Variants in KAZN observed in about 807,000 individuals in gnomAD.
KAZN encodes the protein kazrin, periplakin interacting protein.
Under a neutral mutation model 87.4 loss-of-function variants are expected in KAZN, and 40 were observed. That is an observed-to-expected ratio of 0.46 (90% CI 0.36 to 0.60). KAZN has a LOEUF of 0.60. KAZN is among the 20% of genes least tolerant of loss of function. The probability of loss-of-function intolerance (pLI) is 0.00; values close to 1 mark genes in which losing one functional copy is unlikely to be tolerated. For missense variants in KAZN, 898 were observed against 1,073.9 expected, an observed-to-expected ratio of 0.84 and a Z score of 2.29; for synonymous variants, 466 against 458.3, an observed-to-expected ratio of 1.02 and a Z score of -0.22.
intron 2 of KAZN, among the ~76,000 whole-genome samples, chr1:14,345,253 C>G (rs1166093214): frequency 6.6e-6 from 1 of 152,158 alleles, no homozygotes; most frequent in Non-Finnish European, 1.5e-5. Flanking sequence ...TCTGCAGAGG[C>G]GTAAACCAGT....
intron 1 of KAZN, among the ~76,000 whole-genome samples, chr1:14,904,207 T>C (rs912251011): frequency 6.7e-6 from 1 of 150,308 alleles, no homozygotes; most frequent in Non-Finnish European, 1.5e-5. Context: ...ATTCATGCAA[T>C]GGGTTTAAGA....
chr1:14,722,633 C>T (rs1475523417), intron 1 of KAZN, among the ~76,000 whole-genome samples: 1 of 152,184 alleles, frequency 6.6e-6, no homozygotes, highest in African/African-American at 2.4e-5. Context: ...TACTTGGTAT[C>T]TCTCTGTCTC....
At chr1:14,145,439 G>A (rs1393686646) in intron 1 of KAZN, among the ~76,000 whole-genome samples, 1 of 151,690 alleles carries the variant, frequency 6.6e-6, no homozygotes, top group East Asian at 1.9e-4. Context: ...AAAAGACCAT[G>A]TCTCTGAAAA....
At chr1:13,958,378 G>C (rs1044572711) in intron 1 of KAZN, among the ~76,000 whole-genome samples, 2 of 152,008 alleles carry the variant, frequency 1.3e-5, no homozygotes, top group African/African-American at 2.4e-5. Flanking sequence ...AGACCATCCT[G>C]GCTAACACGG....
intron 1 of KAZN, among the ~76,000 whole-genome samples, chr1:14,934,082 C>T (rs879433326): frequency 1.3e-5 from 2 of 151,882 alleles, no homozygotes; most frequent in African/African-American, 4.8e-5. Context: ...GTCTCGATCT[C>T]CTGACCTTGT....
intron 1 of KAZN, among the ~76,000 whole-genome samples, chr1:14,636,159 C>T (rs1035024413): frequency 2.0e-5 from 3 of 152,178 alleles, no homozygotes; most frequent in Non-Finnish European, 4.4e-5. Context: ...GGTTTGGTTC[C>T]AACCCTTAAT....
intron 2 of KAZN, among the ~76,000 whole-genome samples, chr1:14,425,787 G>A (rs1571616201): frequency 6.6e-6 from 1 of 152,134 alleles, no homozygotes; most frequent in African/African-American, 2.4e-5. Context: ...CATTTTATAG[G>A]TAAGGAGACT....
intron 2 of KAZN, among the ~76,000 whole-genome samples, chr1:14,372,607 A>G (rs1056629555): frequency 6.6e-6 from 1 of 152,234 alleles, no homozygotes; most frequent in African/African-American, 2.4e-5. Context: ...GGCCTCATCA[A>G]AGATGATTAT....
chr1:14,872,057 G>A (rs1652202168), intron 1 of KAZN, among the ~76,000 whole-genome samples: 1 of 152,150 alleles, frequency 6.6e-6, no homozygotes, highest in Non-Finnish European at 1.5e-5. Flanking sequence ...CTAAATTCCT[G>A]CACTCCTGTA....
intron 2 of KAZN, among the ~76,000 whole-genome samples, chr1:14,456,626 A>T (rs940066321): frequency 1.3e-5 from 2 of 152,208 alleles, no homozygotes; most frequent in African/African-American, 4.8e-5. Flanking sequence ...ATATCTGCAA[A>T]ATATTACATG....
intron 2 of KAZN, among the ~76,000 whole-genome samples, chr1:14,416,363 G>A (rs906073901): frequency 1.3e-4 from 20 of 152,180 alleles, no homozygotes; most frequent in African/African-American, 4.8e-4. Context: ...TCTTGATACA[G>A]AATCAAGTAA....
chr1:14,391,941 T>A (rs2101093124), intron 2 of KAZN, among the ~76,000 whole-genome samples: 1 of 152,342 alleles, frequency 6.6e-6, no homozygotes. Context: ...GTACTTGCAC[T>A]CATAATTCTC....
chr1:13,901,953 G>A (rs1163612319), intron 1 of KAZN, among the ~76,000 whole-genome samples: 1 of 152,252 alleles, frequency 6.6e-6, no homozygotes, highest in East Asian at 1.9e-4. Context: ...GGCAGGGGAT[G>A]TGGATAAGAA....
In KAZN at chr1:14,344,009, G is replaced by A. The variant is rs181922792; in HGVS notation, c.249+163417G>A. 5.9e-5 allele frequency among the ~76,000 whole-genome samples: 9 copies of A among 152,248 alleles called. 1 individual carries two copies. The highest frequency in any genetic ancestry group is 2.2e-4 in the African/African-American group (9 of 41,544). The stretch of plus-strand genomic sequence containing the variant: ...CAGTTCTTTCTCTTGCTAGGTGATA[G>A]ATCCAGAACCGGAGACCCATCTTTC... On this transcript the variant is annotated intron_variant, in intron 2 of 16. Coordinates refer to the KAZN transcript ENST00000636203.
At chr1:14,888,305 C>T (rs1654329031) in intron 1 of KAZN, among the ~76,000 whole-genome samples, 1 of 152,190 alleles carries the variant, frequency 6.6e-6, no homozygotes, top group South Asian at 2.1e-4. Flanking sequence ...TCCAGTATGT[C>T]AGCTGGCCCA....
intron 12 of KAZN, 30 bp downstream of exon 12, chr1:15,103,490 T>C: frequency 3.5e-6 from 5 of 1,442,118 alleles, no homozygotes; most frequent in Non-Finnish European, 4.8e-6. Context: ...TCGGGGTGAC[T>C]CTCGGGCATA....
intron 2 of KAZN, among the ~76,000 whole-genome samples, chr1:14,312,594 G>T (rs1474453778): frequency 6.6e-6 from 1 of 152,160 alleles, no homozygotes; most frequent in East Asian, 1.9e-4. Context: ...TTTTATTGAA[G>T]TATAATATAT....
intron 2 of KAZN, among the ~76,000 whole-genome samples, chr1:14,186,009 T>C (rs1557545823): frequency 2.0e-5 from 3 of 152,198 alleles, no homozygotes; most frequent in South Asian, 4.1e-4. Flanking sequence ...GAAGGAAAGT[T>C]GCACCTCTTA....
At chr1:15,039,593 A>T (rs868751907) in intron 3 of KAZN, among the ~76,000 whole-genome samples, 2 of 152,296 alleles carry the variant, frequency 1.3e-5, no homozygotes, top group Middle Eastern at 6.8e-3. Flanking sequence ...TTTGTTTTTT[A>T]AAATTATTTG....
Sources: gnomAD v4.1 joint callset for allele counts (sites outside exome capture counted in the v4.1 genomes callset) on GRCh38, gnomAD v4.1.1 for gene constraint, MANE v1.5 for transcripts, NCBI Gene and HGNC (gene_info 2026-07-23, HGNC 2026-07-21) for gene names.